The following ARHGEF7 variants were observed in gnomAD, a reference collection of about 807,000 sequenced individuals.
ARHGEF7 encodes the protein Rho guanine nucleotide exchange factor 7, also known as PAK-interacting exchange factor beta.
ARHGEF7 carries 33 observed loss-of-function variants against 109.8 expected under a neutral mutation model. That is an observed-to-expected ratio of 0.30 (90% CI 0.23 to 0.40). The LOEUF is 0.40. Among genes scored for constraint, ARHGEF7 ranks in the 10% least tolerant of loss-of-function variants. ARHGEF7 has a pLI of 1.00. For missense variants in ARHGEF7, 938 were observed against 1,098.5 expected, an observed-to-expected ratio of 0.85 and a Z score of 2.07; for synonymous variants, 458 against 424.6, an observed-to-expected ratio of 1.08 and a Z score of -0.97.
At position 111,283,200 on chromosome 13, in the gene ARHGEF7, C is replaced by T. The variant is rs748805303; in HGVS notation, c.1787C>T (p.Thr596Met). 2.4e-5 allele frequency: 38 copies of T among 1,596,322 alleles called. No individual in the cohort carries two copies. Among genetic ancestry groups the T allele is most frequent in the East Asian group, 1.8e-4 (8 of 44,232 alleles). Reference protein sequence around the residue: ...KHADSKPAPLTPAYHTLPHPS... With the variant: ...KHADSKPAPLMPAYHTLPHPS... ...GCAGACAGCAAGCCCGCGCCGCTGACGCCCGCCTACCACACGCTGCCCCAC... is the reference window on the plus strand; with the variant it reads ...GCAGACAGCAAGCCCGCGCCGCTGATGCCCGCCTACCACACGCTGCCCCAC... The change falls in exon 16 of 22, where the codon ACG becomes ATG. Residue 596 changes from threonine to methionine, a missense_variant. Coordinates refer to ENST00000646102, the MANE Select transcript of ARHGEF7 (RefSeq NM_001354046.2).
intron 2 of ARHGEF7, chr13:111,187,052 G>T (rs1308338691): frequency 2.0e-6 from 2 of 981,686 alleles, no homozygotes; most frequent in Non-Finnish European, 2.4e-6. Flanking sequence ...TGGGAGGGTG[G>T]TGTGAAAGCA....
intron 1 of ARHGEF7, among the ~76,000 whole-genome samples, chr13:111,133,701 G>C (rs184426703): frequency 6.9e-6 from 1 of 144,956 alleles, no homozygotes; most frequent in East Asian, 2.1e-4. Context: ...TTGAGTGCTG[G>C]ACACCACCCC....
At chr13:111,154,092 C>A (rs2185970) in intron 2 of ARHGEF7, 101 bp downstream of exon 2, 2 of 1,176,218 alleles carry the variant, frequency 1.7e-6, no homozygotes, top group African/African-American at 1.6e-5. Flanking sequence ...TCCTCCGCGC[C>A]CGGATCCGAC....
At chr13:111,243,624 A>G (rs748460181) in intron 6 of ARHGEF7, among the ~76,000 whole-genome samples, 2 of 152,226 alleles carry the variant, frequency 1.3e-5, no homozygotes, top group African/African-American at 2.4e-5. Flanking sequence ...GATGGAATTC[A>G]TGCTAGGTAT....
At chr13:111,220,953 T>C (rs1160352949) in intron 5 of ARHGEF7, among the ~76,000 whole-genome samples, 6 of 150,292 alleles carry the variant, frequency 4.0e-5, no homozygotes, top group Non-Finnish European at 5.9e-5. Context: ...CTGTTAGTTA[T>C]ATATATAGAT....
At chr13:111,132,760 A>G (rs2074827070) in intron 1 of ARHGEF7, among the ~76,000 whole-genome samples, 1 of 152,240 alleles carries the variant, frequency 6.6e-6, no homozygotes, top group African/African-American at 2.4e-5. Context: ...GCATGAAAAC[A>G]TGAACAATTC....
At chr13:111,204,205 G>A (rs1303165707) in intron 2 of ARHGEF7, among the ~76,000 whole-genome samples, 1 of 152,142 alleles carries the variant, frequency 6.6e-6, no homozygotes, top group Non-Finnish European at 1.5e-5. Context: ...CTTCTGGCAG[G>A]GTCTGCTAGA....
chr13:111,229,094 G>A (rs2153519979), intron 5 of ARHGEF7, among the ~76,000 whole-genome samples: 1 of 152,094 alleles, frequency 6.6e-6, no homozygotes, highest in Non-Finnish European at 1.5e-5. Flanking sequence ...CCCCGGACCT[G>A]GCCCTCGCCC....
At chr13:111,215,988 T>G (rs1355647584) in intron 4 of ARHGEF7, among the ~76,000 whole-genome samples, 1 of 152,224 alleles carries the variant, frequency 6.6e-6, no homozygotes, top group Non-Finnish European at 1.5e-5. Context: ...TTTTGAGATC[T>G]TGTATATCTG....
chr13:111,178,228 A>G (rs1192013229), intron 2 of ARHGEF7, among the ~76,000 whole-genome samples: 1 of 152,144 alleles, frequency 6.6e-6, no homozygotes, highest in African/African-American at 2.4e-5. Context: ...TGAGTTCCTG[A>G]GGAGTTCCCT....
intron 8 of ARHGEF7, chr13:111,265,839 G>A (rs1405829350): frequency 1.7e-5 from 7 of 419,978 alleles, no homozygotes; most frequent in East Asian, 7.1e-5. Context: ...GACCACCTGC[G>A]GGTGCCTTGA....
chr13:111,182,991 AGCTAG>A (rs2153432453), intron 2 of ARHGEF7, among the ~76,000 whole-genome samples: 1 of 152,354 alleles, frequency 6.6e-6, no homozygotes, highest in African/African-American at 2.4e-5. Flanking sequence ...AACTTAAGGT[AGCTAG>A]GCTGAGCTGT....
intron 2 of ARHGEF7, among the ~76,000 whole-genome samples, chr13:111,203,952 G>A (rs1001472351): frequency 3.9e-5 from 6 of 152,176 alleles, no homozygotes; most frequent in African/African-American, 9.7e-5. Context: ...ACTGTGCACC[G>A]GCCCCTGTGC....
intron 2 of ARHGEF7, among the ~76,000 whole-genome samples, chr13:111,164,318 G>A (rs1301620505): frequency 1.3e-5 from 2 of 152,188 alleles, no homozygotes; most frequent in Non-Finnish European, 1.5e-5. Context: ...CCACTGGCTG[G>A]GTTCTTCATA....
chr13:111,189,383 T>C (rs1276604008), intron 2 of ARHGEF7, among the ~76,000 whole-genome samples: 6 of 152,284 alleles, frequency 3.9e-5, no homozygotes, highest in Non-Finnish European at 8.8e-5. Context: ...TTTGTGGTCT[T>C]GCTGACTTCA....
intron 10 of ARHGEF7, 102 bp from the exon 11 acceptor site, chr13:111,274,629 G>C (rs1391672182): frequency 3.6e-6 from 2 of 549,672 alleles, no homozygotes; most frequent in Non-Finnish European, 6.1e-6. Flanking sequence ...AATGTTAAGG[G>C]TTGAAAAGTG....
chr13:111,221,524 T>G (rs1324834432), intron 5 of ARHGEF7, among the ~76,000 whole-genome samples: 9 of 32,866 alleles, frequency 2.7e-4, no homozygotes, highest in South Asian at 1.5e-3. Flanking sequence ...GATATATATC[T>G]ATATATATCT....
intron 2 of ARHGEF7, among the ~76,000 whole-genome samples, chr13:111,169,998 T>G (rs774299860): frequency 5.3e-5 from 8 of 150,486 alleles, no homozygotes; most frequent in African/African-American, 7.5e-5. Flanking sequence ...CAGGCCCCTC[T>G]GCAGAGGTGA....
In ARHGEF7 at chr13:111,209,955, T is replaced by C. The variant is rs2082299553; in HGVS notation, c.421T>C (p.Leu141=). 7.4e-6 allele frequency: 12 copies of C among 1,614,226 alleles called. No individual in the cohort carries two copies. The highest frequency in any genetic ancestry group is 1.0e-5 in the Non-Finnish European group (12 of 1,180,040). ...TTTTGACTCCCTTGGATCACAGTCT[T>C]TGCACACTCGGACTTCAAAACTGTT... is the stretch of plus-strand genomic sequence containing the variant. ...KSFDSLGSQS[L]HTRTSKLFQG... The change falls in exon 4 of 22, where the codon TTG becomes CTG. Residue 141 remains leucine, a synonymous_variant. Transcript: ENST00000646102.
Sources: allele counts gnomAD v4.1 joint callset (sites outside exome capture counted in the v4.1 genomes callset), GRCh38; gene constraint gnomAD v4.1.1; transcripts MANE v1.5; gene names NCBI Gene and HGNC (gene_info 2026-07-23, HGNC 2026-07-21).